The following MAL variants were observed in gnomAD, a reference collection of about 807,000 sequenced individuals.
MAL encodes myelin and lymphocyte protein.
MAL carries 5 observed loss-of-function variants against 16.7 expected under a neutral mutation model. That is an observed-to-expected ratio of 0.30 (90% CI 0.16 to 0.63). The LOEUF is 0.63. Among genes scored for constraint, MAL ranks in the 30% least tolerant of loss-of-function variants. The pLI is 0.82. For missense variants in MAL, 202 were observed against 195.8 expected, an observed-to-expected ratio of 1.03 and a Z score of -0.19; for synonymous variants, 96 against 85.5, an observed-to-expected ratio of 1.12 and a Z score of -0.67.
chr2:95,036,661 GTGAGTGACTGAGTGACTAAC>G (rs1674214268), intron 1 of MAL, among the ~76,000 whole-genome samples: 1 of 152,268 alleles, frequency 6.6e-6, no homozygotes, highest in African/African-American at 2.4e-5. Context: ...GAGTAAGAGA[GTGAGTGACTGAGTGACTAAC>G]TGAGTGACTG....
At chr2:95,034,802 C>G (rs936808978) in intron 1 of MAL, among the ~76,000 whole-genome samples, 1 of 152,138 alleles carries the variant, frequency 6.6e-6, no homozygotes, top group Non-Finnish European at 1.5e-5. Flanking sequence ...TGGAGGTGAC[C>G]CTTTAGGCCC....
intron 1 of MAL, among the ~76,000 whole-genome samples, chr2:95,033,241 G>A (rs962751152): frequency 1.3e-5 from 2 of 152,220 alleles, no homozygotes; most frequent in African/African-American, 4.8e-5. Context: ...GTGGAGTGGG[G>A]CGGGTGGGGT....
intron 1 of MAL, among the ~76,000 whole-genome samples, chr2:95,039,026 G>C (rs1395459788): frequency 6.6e-6 from 1 of 151,748 alleles, no homozygotes; most frequent in African/African-American, 2.4e-5. Context: ...GTCAGTGACT[G>C]AGTGAGTGAG....
rs1346293021 is a variant in MAL at position 95,037,889 on chromosome 2, C to A, written c.94-10070C>A. Among the ~76,000 whole-genome samples, 12 of 68,440 alleles carry A rather than the reference C, an allele frequency of 1.8e-4. No individual in the cohort carries two copies. In the East Asian group the frequency reaches 2.8e-3, roughly 16 times the overall value. 44.9% of individuals were successfully genotyped at this position (68,440 alleles called of 152,430 possible). On this transcript the variant is annotated intron_variant, in intron 1 of 3. Transcript: ENST00000309988. ...CTGAGTGAGTGAGAGACTGAGTGAC[C>A]GAGTGGGTGAGTGAGTGACTTGGTG...
At chr2:95,038,236 CTGAG>C (rs201976520) in intron 1 of MAL, among the ~76,000 whole-genome samples, 78,005 of 105,564 alleles carry the variant, frequency 0.74, 28,616 homozygotes, top group African/African-American at 0.82. Context: ...GACTGAGTGA[CTGAG>C]TGTGTGAGTG....
At chr2:95,049,443 T>A (rs1025144677) in intron 2 of MAL, 138 bp from the exon 3 acceptor site, 1 of 1,123,794 alleles carries the variant, frequency 8.9e-7, no homozygotes, top group African/African-American at 1.6e-5. Context: ...GCATGGGACC[T>A]CCGTGACAAG....
intron 1 of MAL, among the ~76,000 whole-genome samples, chr2:95,039,184 GTGAGTGAGTGAC>G (rs769731817): frequency 0.017 from 2,538 of 149,802 alleles, 45 homozygotes; most frequent in Non-Finnish European, 0.026. Flanking sequence ...GACTTGGTGA[GTGAGTGAGTGAC>G]TGAGTGAGTG....
chr2:95,043,118 GC>G (rs1674508192), intron 1 of MAL, among the ~76,000 whole-genome samples: 1 of 152,210 alleles, frequency 6.6e-6, no homozygotes, highest in African/African-American at 2.4e-5. Context: ...TCTGAGCTTG[GC>G]ATGTGCCCTT....
chr2:95,051,262 C>T (rs1011463161), intron 3 of MAL: 1 of 152,160 alleles, frequency 6.6e-6, no homozygotes, highest in East Asian at 1.9e-4. Flanking sequence ...TTTCATACAG[C>T]GAACTCCCTG....
In MAL at chr2:95,048,160, G is replaced by T. The variant is rs532790884; in HGVS notation, c.261+34G>T. The T allele has an allele frequency of 2.7e-4, 426 of 1,574,482 alleles. 4 individuals are homozygous for T. The South Asian group carries it at 3.8e-3, about 14-fold the overall frequency. Reference sequence around the variant, plus strand: ...AGCCCAGGGTGGCTGCTGGTTGTAGGGGGGCGCAGGAAGTACTGGTCCCTG... The same window carrying T: ...AGCCCAGGGTGGCTGCTGGTTGTAGTGGGGCGCAGGAAGTACTGGTCCCTG... On this transcript the variant is annotated intron_variant, in intron 2 of 3. Coordinates refer to ENST00000309988, the MANE Select transcript of MAL (RefSeq NM_002371.4).
chr2:95,052,232 A>G (rs1478938975), intron 3 of MAL, among the ~76,000 whole-genome samples: 7 of 152,242 alleles, frequency 4.6e-5, no homozygotes, highest in Non-Finnish European at 7.3e-5. Flanking sequence ...AAATTTGCCC[A>G]TTCGTGCCCA....
intron 1 of MAL, among the ~76,000 whole-genome samples, chr2:95,035,868 A>C (rs1176533057): frequency 2.0e-5 from 3 of 151,800 alleles, no homozygotes; most frequent in Non-Finnish European, 2.9e-5. Flanking sequence ...ACGGGGTTTC[A>C]CCGTGTTAGC....
Position 95,053,500 on chromosome 2 carries a change from G to A in MAL, c.*45G>A, listed in dbSNP as rs200487878. ...CTGAAAACCCAGATGGTGTTAACTGGCCGCCCCACTTTCCGGCATAACTTT... is the reference window on the plus strand; with the variant it reads ...CTGAAAACCCAGATGGTGTTAACTGACCGCCCCACTTTCCGGCATAACTTT... On this transcript the variant is annotated 3_prime_UTR_variant, in exon 4 of 4. Coordinates refer to ENST00000309988, the MANE Select transcript of MAL (RefSeq NM_002371.4). The A allele has an allele frequency of 7.6e-5, 109 of 1,427,672 alleles. No homozygotes were observed. In the East Asian group the frequency reaches 2.3e-3, roughly 30 times the overall value. The allele number at this position is 1,427,672 out of a possible 1,614,324, so 88.4% of individuals were successfully genotyped here.
chr2:95,033,444 G>A (rs1293283402), intron 1 of MAL, among the ~76,000 whole-genome samples: 4 of 152,048 alleles, frequency 2.6e-5, no homozygotes, highest in East Asian at 1.9e-4. Flanking sequence ...GGGAGAAGCC[G>A]GCTGGGAGTG....
At chr2:95,041,428 A>T (rs1674461340) in intron 1 of MAL, among the ~76,000 whole-genome samples, 3 of 152,142 alleles carry the variant, frequency 2.0e-5, no homozygotes, top group South Asian at 2.1e-4. Context: ...TTTGGAGTAG[A>T]TGATTGTGTG....
intron 1 of MAL, among the ~76,000 whole-genome samples, chr2:95,029,073 A>G (rs1435623328): frequency 3.3e-5 from 5 of 152,264 alleles, no homozygotes; most frequent in Non-Finnish European, 2.9e-5. Flanking sequence ...TTAAAAAACA[A>G]AAAATAGAAA....
intron 2 of MAL, among the ~76,000 whole-genome samples, chr2:95,048,448 G>A (rs1255613027): frequency 6.6e-6 from 1 of 152,158 alleles, no homozygotes; most frequent in African/African-American, 2.4e-5. Flanking sequence ...TCACCTGCAA[G>A]GGCTGTTTTC....
chr2:95,040,201 A>G (rs565059899), intron 1 of MAL, among the ~76,000 whole-genome samples: 1 of 152,224 alleles, frequency 6.6e-6, no homozygotes, highest in Admixed American at 6.5e-5. Flanking sequence ...AGGCATACAC[A>G]GGCACATGCA....
chr2:95,046,613 TTGAC>T (rs1674591535), intron 1 of MAL, among the ~76,000 whole-genome samples: 1 of 152,104 alleles, frequency 6.6e-6, no homozygotes, highest in African/African-American at 2.4e-5. Flanking sequence ...CTGCTCCTCT[TTGAC>T]TGTATGGGGC....
Sources: gnomAD v4.1 joint callset for allele counts (sites outside exome capture counted in the v4.1 genomes callset) on GRCh38, gnomAD v4.1.1 for gene constraint, MANE v1.5 for transcripts, NCBI Gene and HGNC (gene_info 2026-07-23, HGNC 2026-07-21) for gene names.